SCAPER: variants seen among roughly 807,000 people sequenced by gnomAD.
The protein encoded by SCAPER is S-phase cyclin A associated protein in the ER.
Under a neutral mutation model 182.2 loss-of-function variants are expected in SCAPER, and 98 were observed. The observed-to-expected ratio is 0.54, with a 90% CI of 0.46 to 0.64. SCAPER has a LOEUF of 0.64. Among genes scored for constraint, SCAPER ranks in the 30% least tolerant of loss-of-function variants. The probability of loss-of-function intolerance (pLI) is 0.00; values close to 1 mark genes in which losing one functional copy is unlikely to be tolerated. For synonymous variants in SCAPER, 605 were observed against 564.6 expected (o/e 1.07, Z -1.01); for missense variants, 1,432 against 1,690.0 (o/e 0.85, Z 2.68).
At chr15:76,423,238 C>T (rs181586020) in intron 26 of SCAPER, among the ~76,000 whole-genome samples, 1 of 152,198 alleles carries the variant, frequency 6.6e-6, no homozygotes, top group Non-Finnish European at 1.5e-5. Flanking sequence ...GGCTGTGAAT[C>T]CATCTGGTCC....
intron 1 of SCAPER, among the ~76,000 whole-genome samples, chr15:76,884,173 T>C (rs1307077762): frequency 5.3e-5 from 8 of 152,218 alleles, no homozygotes; most frequent in African/African-American, 1.9e-4. Context: ...CACATACATG[T>C]TTTATATCTT....
intron 8 of SCAPER, among the ~76,000 whole-genome samples, chr15:76,780,310 C>G (rs1219249583): frequency 6.6e-6 from 1 of 152,254 alleles, no homozygotes; most frequent in Non-Finnish European, 1.5e-5. Flanking sequence ...TGTGAGGCTA[C>G]AGTCGGGCAG....
intron 23 of SCAPER, among the ~76,000 whole-genome samples, chr15:76,571,748 C>T (rs926490035): frequency 6.6e-6 from 1 of 152,116 alleles, no homozygotes; most frequent in East Asian, 1.9e-4. Context: ...TTCAAATATC[C>T]TTCACTGGGT....
In SCAPER at chr15:76,800,264, G is replaced by A. The variant is rs1302842375; in HGVS notation, c.595C>T (p.Arg199Ter). Reference protein sequence around the residue: ...DRINVTSNARRSLNFGGSTGT... With the variant: ...DRINVTSNAR ...TCATCTCACCCAAAATTTAAGCTTCGTCGAGCATTTGATGTTACATTTATT... is the reference window on the plus strand; with the variant it reads ...TCATCTCACCCAAAATTTAAGCTTCATCGAGCATTTGATGTTACATTTATT... Residue 199 changes from arginine (R) to a stop codon, truncating the protein, a stop_gained, in exon 7 of 32, where the codon CGA (arginine) becomes TGA (stop). Transcript: ENST00000563290. LOFTEE classifies it high-confidence loss of function. 7.5e-6 allele frequency: 12 copies of A among 1,608,924 alleles called. No individual in the cohort carries two copies. The highest frequency in any genetic ancestry group is 1.7e-5 in the Admixed American group (1 of 59,512).
At chr15:76,646,741 A>G (rs915456021) in intron 21 of SCAPER, among the ~76,000 whole-genome samples, 8 of 152,194 alleles carry the variant, frequency 5.3e-5, no homozygotes, top group Middle Eastern at 3.2e-3. Flanking sequence ...ATGTACTCTC[A>G]CAGTTCTTCA....
chr15:76,788,695 A>C (rs1030776789), intron 8 of SCAPER, among the ~76,000 whole-genome samples: 2 of 152,216 alleles, frequency 1.3e-5, no homozygotes, highest in African/African-American at 4.8e-5. Context: ...GAAATCTCTA[A>C]GTAAAAGTAT....
At chr15:76,612,618 T>C (rs895864526) in intron 22 of SCAPER, among the ~76,000 whole-genome samples, 1 of 152,142 alleles carries the variant, frequency 6.6e-6, no homozygotes, top group African/African-American at 2.4e-5. Context: ...CTGGCATTCC[T>C]ATACACCAAC....
intron 14 of SCAPER, among the ~76,000 whole-genome samples, chr15:76,764,556 G>A (rs1217018547): frequency 6.6e-6 from 1 of 152,204 alleles, no homozygotes; most frequent in African/African-American, 2.4e-5. Context: ...TGAAGGAGTT[G>A]GCTGCAGATA....
At chr15:76,508,798 C>T (rs1381277092) in intron 23 of SCAPER, among the ~76,000 whole-genome samples, 1 of 152,176 alleles carries the variant, frequency 6.6e-6, no homozygotes, top group Non-Finnish European at 1.5e-5. Flanking sequence ...CCATTTCTAT[C>T]ACTCCAGAAA....
At chr15:76,784,995 A>G (rs892327218) in intron 8 of SCAPER, among the ~76,000 whole-genome samples, 3 of 152,236 alleles carry the variant, frequency 2.0e-5, no homozygotes, top group Admixed American at 2.0e-4. Flanking sequence ...CTAAAACACC[A>G]AAAGCAATGG....
Position 76,657,588 on chromosome 15 carries a change from CAAAAAA to C in SCAPER, c.2645+8059_2645+8064del, listed in dbSNP as rs35243291. Among the ~76,000 whole-genome samples, 3 of 129,860 alleles carry C rather than the reference CAAAAAA, an allele frequency of 2.3e-5. No homozygotes were observed. The Admixed American group carries it at 2.3e-4, about 10-fold the overall frequency. The allele number at this position is 129,860 out of a possible 152,430, so 85.2% of individuals were successfully genotyped here. On this transcript the variant is annotated intron_variant, in intron 21 of 31. Transcript: ENST00000563290. ...TCAAAATCTGGCAGAGACACAACAA[CAAAAAA>C]AAAAAAAAAGAAAGAAAGAAAGAAA...
In SCAPER at chr15:76,439,776, T is replaced by C. The variant is rs370426048; in HGVS notation, c.3079-5466A>G. On this transcript the variant is annotated intron_variant, in intron 25 of 31. Transcript: ENST00000563290. ...GCAGGGGAAGGTTACCTTCCCAGCA[T>C]GCATCAGTGTTTGTAACTACCACCT... is the stretch of plus-strand genomic sequence containing the variant. 2.6e-4 allele frequency among the ~76,000 whole-genome samples: 39 copies of C among 152,310 alleles called. 1 individual carries two copies. In the South Asian group the frequency reaches 3.9e-3, roughly 15 times the overall value.
intron 26 of SCAPER, among the ~76,000 whole-genome samples, chr15:76,433,010 G>A (rs2046967207): frequency 6.6e-6 from 1 of 152,124 alleles, no homozygotes; most frequent in Non-Finnish European, 1.5e-5. Context: ...ACCCTATAAG[G>A]TTAACCTACT....
At chr15:76,650,073 G>C (rs886382312) in intron 21 of SCAPER, among the ~76,000 whole-genome samples, 1 of 152,080 alleles carries the variant, frequency 6.6e-6, no homozygotes, top group South Asian at 2.1e-4. Flanking sequence ...GAAGATGGAC[G>C]CATAAATTGT....
chr15:76,370,140 T>C (rs1174982074), intron 29 of SCAPER, among the ~76,000 whole-genome samples: 4 of 151,840 alleles, frequency 2.6e-5, no homozygotes, highest in Non-Finnish European at 4.4e-5. Context: ...GGAGTCCCCA[T>C]GAGATCAAAA....
intron 22 of SCAPER, among the ~76,000 whole-genome samples, chr15:76,575,858 T>C (rs1375714559): frequency 6.6e-6 from 1 of 152,226 alleles, no homozygotes; most frequent in Non-Finnish European, 1.5e-5. Flanking sequence ...GTGATAGAAA[T>C]ATTCTGTGTT....
At chr15:76,572,197 C>T (rs1197672267) in intron 23 of SCAPER, among the ~76,000 whole-genome samples, 2 of 152,070 alleles carry the variant, frequency 1.3e-5, no homozygotes, top group Non-Finnish European at 2.9e-5. Context: ...TTGCCTTTTC[C>T]TCAAAAGTTC....
chr15:76,382,313 T>A (rs1247597570), intron 27 of SCAPER, among the ~76,000 whole-genome samples: 1 of 151,878 alleles, frequency 6.6e-6, no homozygotes, highest in Admixed American at 6.6e-5. Flanking sequence ...GCAGCAGGGG[T>A]ATGCTAAATC....
Position 76,654,803 on chromosome 15 carries a change from G to C in SCAPER, c.2645+10850C>G, listed in dbSNP as rs559743992. Among the ~76,000 whole-genome samples, 3 of 152,276 alleles carry C rather than the reference G, an allele frequency of 2.0e-5. No individual in the cohort carries two copies. In the South Asian group the frequency reaches 6.2e-4, roughly 32 times the overall value. On this transcript the variant is annotated intron_variant, in intron 21 of 31. Transcript: ENST00000563290. ...TTACTCTTTTACAATTTTGGGTCTG[G>C]TTGCAGGGGGCCTGAATGCCATTAG...
Sources: allele counts gnomAD v4.1 joint callset (sites outside exome capture counted in the v4.1 genomes callset), GRCh38; gene constraint gnomAD v4.1.1; transcripts MANE v1.5; gene names NCBI Gene and HGNC (gene_info 2026-07-23, HGNC 2026-07-21).